Variants in DAAM1 observed in about 807,000 individuals in gnomAD.
DAAM1 encodes dishevelled associated activator of morphogenesis 1, also known as disheveled-associated activator of morphogenesis 1.
Under a neutral mutation model 130.0 loss-of-function variants are expected in DAAM1, and 52 were observed. That is an observed-to-expected ratio of 0.40 (90% confidence interval 0.32 to 0.50). The LOEUF is 0.50. DAAM1 is among the 20% of genes least tolerant of loss of function. The pLI is 0.61. For synonymous variants in DAAM1, 452 were observed against 444.5 expected (o/e 1.02, Z -0.21); for missense variants, 1,134 against 1,303.8 (o/e 0.87, Z 2.01).
At chr14:59,207,153 A>G (rs950046054) in intron 1 of DAAM1, among the ~76,000 whole-genome samples, 1 of 152,354 alleles carries the variant, frequency 6.6e-6, no homozygotes, top group African/African-American at 2.4e-5. Context: ...TCTGTCATCT[A>G]TCCACAATCA....
intron 2 of DAAM1, among the ~76,000 whole-genome samples, chr14:59,270,453 CGGAGGG>C (rs1405391303): frequency 6.6e-6 from 1 of 152,056 alleles, no homozygotes; most frequent in Non-Finnish European, 1.5e-5. Flanking sequence ...CTCAGTAACC[CGGAGGG>C]AGGAAATTAA....
Position 59,232,041 on chromosome 14 carries a change from A to G in DAAM1, c.-37-31400A>G, listed in dbSNP as rs1227718723. Among the ~76,000 whole-genome samples the G allele has an allele frequency of 7.2e-5, 11 of 152,320 alleles. 1 individual carries two copies. In the East Asian group the frequency reaches 1.9e-3, roughly 27 times the overall value. On this transcript the variant is annotated intron_variant, in intron 1 of 24. Coordinates refer to ENST00000360909, the MANE Select transcript of DAAM1 (RefSeq NM_001270520.2). The stretch of plus-strand genomic sequence containing the variant: ...TAGTACTATTTTATCCCCACTTTAC[A>G]GAGAGGAAACAGATAGCAAGTTAAT...
At chr14:59,289,784 A>ATATATATATATATATATACAT in intron 2 of DAAM1, among the ~76,000 whole-genome samples, 1 of 128,708 alleles carries the variant, frequency 7.8e-6, no homozygotes, top group Non-Finnish European at 1.7e-5. Context: ...ATATATATAT[A>ATATATATATATATATATACAT]ATGGAATGCT....
At position 59,352,610 on chromosome 14, in the gene DAAM1, A is replaced by G. The variant is rs1331402960; in HGVS notation, c.2245A>G (p.Arg749Gly). 3 of 1,613,242 alleles carry G rather than the reference A, an allele frequency of 1.9e-6. No homozygotes were observed. The highest frequency in any genetic ancestry group is 1.7e-6 in the Non-Finnish European group (2 of 1,179,626). Residue 749 changes from arginine (R) to glycine (G), a missense_variant, in exon 18 of 25, where the codon AGG becomes GGG. Physicochemically the swap from Arg to Gly is moderately radical, Grantham distance 125 (BLOSUM62 -2). Coordinates refer to ENST00000360909, the MANE Select transcript of DAAM1 (RefSeq NM_001270520.2). ...ACTGGATCGGATGGCCAAGGCTGAT[A>G]GGTTCCTTTTTGAGATGAGCCGGTG... ...HELDRMAKAD[R>G]FLFEMSRINH...
At chr14:59,336,963 A>C (rs1042543958) in intron 15 of DAAM1, among the ~76,000 whole-genome samples, 24 of 152,204 alleles carry the variant, frequency 1.6e-4, no homozygotes, top group Admixed American at 3.9e-4. Context: ...GCCCCAAGCC[A>C]CACACCCGGT....
intron 1 of DAAM1, among the ~76,000 whole-genome samples, chr14:59,203,158 A>ATTTTTTTTTTTTTTTTT (rs57437992): frequency 8.3e-5 from 9 of 108,112 alleles, no homozygotes; most frequent in Non-Finnish European, 1.3e-4. Flanking sequence ...CTTCTGGCTA[A>ATTTTTTTTTTTTTTTTT]TTTTTTTTTT....
At chr14:59,249,978 A>C (rs1307140994) in intron 1 of DAAM1, among the ~76,000 whole-genome samples, 2 of 152,248 alleles carry the variant, frequency 1.3e-5, no homozygotes, top group African/African-American at 4.8e-5. Context: ...AAAATGTACC[A>C]AGTAGTAAGT....
intron 16 of DAAM1, among the ~76,000 whole-genome samples, chr14:59,345,786 T>TA (rs1213551389): frequency 6.6e-6 from 1 of 152,184 alleles, no homozygotes; most frequent in Non-Finnish European, 1.5e-5. Flanking sequence ...CCAATGACTG[T>TA]AATCACTGTT....
chr14:59,244,879 G>A (rs1432966669), intron 1 of DAAM1, among the ~76,000 whole-genome samples: 1 of 152,200 alleles, frequency 6.6e-6, no homozygotes, highest in Non-Finnish European at 1.5e-5. Flanking sequence ...GTGTTTTTAA[G>A]AGGAGTATCC....
At position 59,192,083 on chromosome 14, in the gene DAAM1, T is replaced by A. The variant is rs142987325; in HGVS notation, c.-38+3315T>A. On this transcript the variant is annotated intron_variant, in intron 1 of 24. Coordinates refer to ENST00000360909, the MANE Select transcript of DAAM1 (RefSeq NM_001270520.2). ...TTGGGTGGTGCTTACAGGAGCTCCA[T>A]GAATAGGTGCTAAGGAATTTGAATC... is the stretch of plus-strand genomic sequence containing the variant. Among the ~76,000 whole-genome samples, 822 of 151,890 alleles carry A rather than the reference T, an allele frequency of 5.4e-3. 11 individuals are homozygous for A. The highest frequency in any genetic ancestry group is 0.019 in the African/African-American group (771 of 41,410).
At chr14:59,263,316 CTG>C (rs1882266335) in intron 1 of DAAM1, 123 bp from the exon 2 acceptor site, 1 of 738,802 alleles carries the variant, frequency 1.4e-6, no homozygotes, top group Admixed American at 2.7e-5. Flanking sequence ...GTTGTTCTCT[CTG>C]TGCCCTGCAG....
intron 1 of DAAM1, among the ~76,000 whole-genome samples, chr14:59,194,920 T>C (rs1451643661): frequency 1.3e-5 from 2 of 152,230 alleles, no homozygotes; most frequent in Non-Finnish European, 2.9e-5. Flanking sequence ...TCCTTTTGGC[T>C]TAAAACTAGA....
At chr14:59,227,528 A>G (rs1888977938) in intron 1 of DAAM1, among the ~76,000 whole-genome samples, 1 of 152,206 alleles carries the variant, frequency 6.6e-6, no homozygotes, top group African/African-American at 2.4e-5. Flanking sequence ...TAATATTCCT[A>G]TAGTATTTAT....
At chr14:59,288,636 A>G (rs1883567810) in intron 2 of DAAM1, among the ~76,000 whole-genome samples, 1 of 152,176 alleles carries the variant, frequency 6.6e-6, no homozygotes, top group African/African-American at 2.4e-5. Flanking sequence ...TGCAACCAAT[A>G]TGAAAAAATG....
In DAAM1 at chr14:59,291,208, T is replaced by C. The variant is rs1166390961; in HGVS notation, c.184-9T>C. 6.2e-7 allele frequency: 1 copy of C among 1,600,376 alleles called. No individual in the cohort carries two copies. Among genetic ancestry groups the C allele is most frequent in the Admixed American group, 1.8e-5 (1 of 56,968 alleles). ...CCTATGAAACACTAATTATTTTCTTTCTTCTCAGGATGAACTGGACCTCAC... is the reference window on the plus strand; with the variant it reads ...CCTATGAAACACTAATTATTTTCTTCCTTCTCAGGATGAACTGGACCTCAC... On this transcript the variant is annotated splice_polypyrimidine_tract_variant and intron_variant, in intron 2 of 24. Transcript: ENST00000360909.
intron 1 of DAAM1, among the ~76,000 whole-genome samples, chr14:59,260,896 G>A (rs1347668944): frequency 1.3e-5 from 2 of 152,180 alleles, no homozygotes; most frequent in East Asian, 1.9e-4. Context: ...TTGGGTGGAA[G>A]GTGAGAGGAG....
At chr14:59,274,839 A>G (rs762843520) in intron 2 of DAAM1, among the ~76,000 whole-genome samples, 34 of 152,204 alleles carry the variant, frequency 2.2e-4, no homozygotes, top group Non-Finnish European at 3.1e-4. Context: ...GTTAGTTACA[A>G]TGGGGACACC....
At chr14:59,232,436 C>A (rs1889137860) in intron 1 of DAAM1, among the ~76,000 whole-genome samples, 1 of 152,050 alleles carries the variant, frequency 6.6e-6, no homozygotes, top group South Asian at 2.1e-4. Context: ...CATAAATCCC[C>A]TAAAAAATCA....
At position 59,193,685 on chromosome 14, in the gene DAAM1, T is replaced by G. The variant is rs183773771; in HGVS notation, c.-38+4917T>G. ...AATACACCCTCAGCTTTGGTGAGCT[T>G]GTTTTCCTCATTGATGTTTAAGCGT... is the stretch of plus-strand genomic sequence containing the variant. On this transcript the variant is annotated intron_variant, in intron 1 of 24. Transcript: ENST00000360909. 4.1e-4 allele frequency among the ~76,000 whole-genome samples: 63 copies of G among 152,304 alleles called. No individual in the cohort carries two copies. The East Asian group carries it at 0.011, about 28-fold the overall frequency.
Sources: gnomAD v4.1 joint callset for allele counts (sites outside exome capture counted in the v4.1 genomes callset) on GRCh38, gnomAD v4.1.1 for gene constraint, MANE v1.5 for transcripts, NCBI Gene and HGNC (gene_info 2026-07-23, HGNC 2026-07-21) for gene names.